Variants in DRP2 observed in about 807,000 individuals in gnomAD.
The protein encoded by DRP2 is dystrophin-related protein 2.
Under a neutral mutation model 78.2 loss-of-function variants are expected in DRP2, and 29 were observed. That is an observed-to-expected ratio of 0.37 (90% CI 0.28 to 0.51). The LOEUF is 0.51. Ranked by LOEUF, DRP2 falls within the 20% of genes least tolerant of loss-of-function variation. DRP2 has a pLI of 0.94. For missense variants in DRP2, 686 were observed against 770.6 expected (o/e 0.89, Z 1.30); for synonymous variants, 290 against 281.9 (o/e 1.03, Z -0.29).
intron 2 of DRP2, among the ~76,000 whole-genome samples, chrX:101,228,060 AAAGT>A (rs1464838362): frequency 8.9e-6 from 1 of 112,647 alleles, no homozygotes; most frequent in East Asian, 2.8e-4. Context: ...GTTGGCAAAT[AAAGT>A]AAGAATACAT....
chrX:101,259,071 G>A (rs965692647), intron 22 of DRP2, among the ~76,000 whole-genome samples: 5 of 111,689 alleles, frequency 4.5e-5, no homozygotes, highest in Non-Finnish European at 9.4e-5. Flanking sequence ...GGGTTTGCAT[G>A]TGGCTCTGCC....
At chrX:101,259,489 A>C (rs1923467103) in intron 22 of DRP2, among the ~76,000 whole-genome samples, 1 of 110,424 alleles carries the variant, frequency 9.1e-6, no homozygotes, top group Non-Finnish European at 1.9e-5. Context: ...TTCTTTATTT[A>C]ATTAATTAAT....
At position 101,230,297 on chromosome X, in the gene DRP2, G is replaced by T. The variant is rs1416019362; in HGVS notation, c.-63-1288G>T. Among the ~76,000 whole-genome samples, 50 of 111,573 alleles carry T rather than the reference G, an allele frequency of 4.5e-4. No homozygotes were observed. In the Admixed American group the frequency reaches 4.8e-3, roughly 11 times the overall value. On this transcript the variant is annotated intron_variant, in intron 2 of 23. Coordinates refer to ENST00000395209, the MANE Select transcript of DRP2 (RefSeq NM_001939.3). ...CCCAGCACTTTGGGAGGCCGAGGCG[G>T]GTGGATCACCTGAGGTCAGGAGTTC...
In DRP2 at chrX:101,262,499, G is replaced by A. The variant is rs140256575; in HGVS notation, c.*1878G>A. The A allele has an allele frequency of 9.0e-6, 1 of 111,663 alleles. No homozygotes were observed. Among genetic ancestry groups the A allele is most frequent in the African/African-American group, 3.3e-5 (1 of 30,665 alleles). 9.2% of individuals were successfully genotyped at this position (111,663 alleles called of 1,213,427 possible). A position where few individuals can be genotyped will look rare whatever the true frequency, so the allele number is the denominator to read the frequency against. On this transcript the variant is annotated 3_prime_UTR_variant, in exon 24 of 24. Transcript: ENST00000395209. ...GCAACAGTTGCCACCACAATCAGGA[G>A]GGAGTGACGGTTGGGGTGTTGTATT...
At position 101,241,832 on chromosome X, in the gene DRP2, G is replaced by A; in HGVS notation, c.724G>A (p.Glu242Lys). 1.7e-6 allele frequency: 2 copies of A among 1,205,372 alleles called. No individual in the cohort carries two copies. The highest frequency in any genetic ancestry group is 2.2e-6 in the Non-Finnish European group (2 of 892,200). The change falls in exon 7 of 24, where the codon GAA becomes AAA. Residue 242 changes from glutamate (E) to lysine (K), a missense_variant. This residue lies in a region of DRP2 where 263 missense variants were observed against 239.1 expected (regional missense o/e 1.10). Transcript: ENST00000395209. ...CTTGGAGATTCAAGGGGCAATGGAG[G>A]AACTAAGCACTACTCTGAGCCAAGC... is the stretch of plus-strand genomic sequence containing the variant. ...QLLEIQGAME[E>K]LSTTLSQAEG...
chrX:101,235,148 G>A (rs185447767), intron 3 of DRP2, among the ~76,000 whole-genome samples: 1 of 111,850 alleles, frequency 8.9e-6, no homozygotes, highest in East Asian at 2.8e-4. Context: ...GCCCAGGAGA[G>A]CAAGCAATAG....
intron 9 of DRP2, among the ~76,000 whole-genome samples, chrX:101,244,487 C>G (rs921217451): frequency 1.8e-5 from 2 of 111,369 alleles, no homozygotes; most frequent in Admixed American, 1.9e-4. Flanking sequence ...CTGAGCCATT[C>G]GTGGAAGGTC....
intron 1 of DRP2, among the ~76,000 whole-genome samples, chrX:101,224,257 G>T (rs1467761539): frequency 6.6e-5 from 5 of 76,167 alleles, no homozygotes; most frequent in African/African-American, 2.7e-4. Flanking sequence ...AGGCTAGAGT[G>T]CAGTGGCACA....
intron 11 of DRP2, among the ~76,000 whole-genome samples, chrX:101,246,029 T>A (rs759002615): frequency 7.4e-4 from 83 of 112,451 alleles, no homozygotes; most frequent in African/African-American, 2.6e-3. Context: ...GTCTCCAAAC[T>A]CATCAACTTG....
At chrX:101,259,023 G>A (rs1923453856) in intron 22 of DRP2, among the ~76,000 whole-genome samples, 1 of 111,753 alleles carries the variant, frequency 8.9e-6, no homozygotes, top group African/African-American at 3.3e-5. Flanking sequence ...GAGAGGCAAT[G>A]TGTATGCTGT....
At position 101,252,610 on chromosome X, in the gene DRP2, G is replaced by A. The variant is rs746129433; in HGVS notation, c.1871G>A (p.Arg624Gln). The A allele has an allele frequency of 8.3e-7, 1 of 1,210,353 alleles. No homozygotes were observed. Among genetic ancestry groups the A allele is most frequent in the Non-Finnish European group, 1.1e-6 (1 of 894,415 alleles). The change falls in exon 17 of 24, where the codon CGG (arginine) becomes CAG (glutamine). Residue 624 changes from arginine (R) to glutamine (Q), a missense_variant. This residue lies in a region of DRP2 where 423 missense variants were observed against 531.5 expected (regional missense o/e 0.80). Coordinates refer to ENST00000395209, the MANE Select transcript of DRP2 (RefSeq NM_001939.3). ...RQCPIKGFRY[R>Q]SLKQFNVDIC... ...TACATCTCCTCTCCCCCAAGGTACC[G>A]GAGTCTGAAGCAATTCAACGTTGAC...
rs1167730116 is a variant in DRP2 at position 101,224,191 on chromosome X, G to GTTTTT, written c.-166-387_-166-383dup. On this transcript the variant is annotated intron_variant, in intron 1 of 23. Transcript: ENST00000395209. ...AATAAATGTTTGCTGGGTTTTTTTT[G>GTTTTT]TTTTTTTTTTTTTTTTTTTTTTTTT... Among the ~76,000 whole-genome samples the GTTTTT allele has an allele frequency of 4.2e-3, 164 of 38,844 alleles. 1 individual carries two copies. The highest frequency in any genetic ancestry group is 0.021 in the Middle Eastern group (1 of 47). 33.7% of individuals were successfully genotyped at this position (38,844 alleles called of 115,157 possible).
At chrX:101,243,248 A>T (rs2147342226) in intron 9 of DRP2, 1 of 189,852 alleles carries the variant, frequency 5.3e-6, no homozygotes, top group South Asian at 1.9e-4. Flanking sequence ...CCAACATGCA[A>T]AACTCCGTCT....
intron 4 of DRP2, among the ~76,000 whole-genome samples, chrX:101,236,326 T>C (rs1922504855): frequency 8.9e-6 from 1 of 112,267 alleles, no homozygotes; most frequent in Admixed American, 9.4e-5. Flanking sequence ...TCTAACTACC[T>C]CACAGTGTGG....
chrX:101,249,993 G>T (rs1923072001), intron 14 of DRP2, among the ~76,000 whole-genome samples: 1 of 111,717 alleles, frequency 9.0e-6, no homozygotes, highest in African/African-American at 3.3e-5. Context: ...ACATAAACAG[G>T]AGAGATGGTA....
In DRP2 at chrX:101,242,856, C is replaced by G. The variant is rs752266960; in HGVS notation, c.976-48C>G. On this transcript the variant is annotated intron_variant, in intron 8 of 23. Coordinates refer to ENST00000395209, the MANE Select transcript of DRP2 (RefSeq NM_001939.3). The stretch of plus-strand genomic sequence containing the variant: ...CCCAGAGGCACCTGGGGATCCCACT[C>G]TAAATAGCTGGAATGAATCTACTGA... The G allele has an allele frequency of 2.6e-6, 3 of 1,148,570 alleles. No homozygotes were observed. In the East Asian group the frequency reaches 9.0e-5, roughly 34 times the overall value. 94.7% of individuals were successfully genotyped at this position (1,148,570 alleles called of 1,213,427 possible).
chrX:101,251,831 C>T (rs1923152735), intron 16 of DRP2: 1 of 111,794 alleles, frequency 8.9e-6, no homozygotes, highest in African/African-American at 3.3e-5. Context: ...TCTGAGGTCT[C>T]CTTGATTATA....
intron 2 of DRP2, among the ~76,000 whole-genome samples, chrX:101,229,296 C>T (rs1006220390): frequency 8.9e-6 from 1 of 111,808 alleles, no homozygotes; most frequent in Non-Finnish European, 1.9e-5. Context: ...GTGACTAATG[C>T]TTTTGTGGTG....
chrX:101,248,053 C>T (rs1300000764), intron 12 of DRP2, 36 bp from the exon 13 acceptor site: 1 of 1,174,102 alleles, frequency 8.5e-7, no homozygotes, highest in Non-Finnish European at 1.2e-6. Context: ...CTACTTTTGG[C>T]TATATTTTTT....
Sources: gnomAD v4.1 joint callset for allele counts (sites outside exome capture counted in the v4.1 genomes callset) on GRCh38, gnomAD v4.1.1 for gene constraint, gnomAD v4.1.1 regional missense constraint, MANE v1.5 for transcripts, NCBI Gene and HGNC (gene_info 2026-07-23, HGNC 2026-07-21) for gene names.